The following DNM3 variants were observed in gnomAD, a reference collection of about 807,000 sequenced individuals.
The protein encoded by DNM3 is dynamin 3.
Under a neutral mutation model 101.6 loss-of-function variants are expected in DNM3, and 47 were observed. The observed-to-expected ratio is 0.46, with a 90% CI of 0.37 to 0.59. DNM3 has a LOEUF of 0.59. Among genes scored for constraint, DNM3 ranks in the 20% least tolerant of loss-of-function variants. The probability of loss-of-function intolerance (pLI) is 0.00; values close to 1 mark genes in which losing one functional copy is unlikely to be tolerated. For missense variants in DNM3, 849 were observed against 1,085.7 expected (o/e 0.78, Z 3.06); for synonymous variants, 385 against 387.9 (o/e 0.99, Z 0.09).
At chr1:171,951,816 A>T (rs1387781032) in intron 2 of DNM3, among the ~76,000 whole-genome samples, 2 of 152,246 alleles carry the variant, frequency 1.3e-5, no homozygotes, top group Non-Finnish European at 2.9e-5. Flanking sequence ...AGCCTCAAGA[A>T]GTCCTGAGAA....
At chr1:172,126,794 C>T (rs1457387510) in intron 13 of DNM3, among the ~76,000 whole-genome samples, 1 of 151,928 alleles carries the variant, frequency 6.6e-6, no homozygotes, top group African/African-American at 2.4e-5. Flanking sequence ...CACCTCCTGA[C>T]CTTATTTCTC....
rs1044398723 is a variant in DNM3 at position 171,870,418 on chromosome 1, G to A, written c.161+28601G>A. On this transcript the variant is annotated intron_variant, in intron 1 of 20. Transcript: ENST00000627582. Reference sequence around the variant, plus strand: ...AGTTAAAAACCTCTGCAGCCTGGGCGACAGAGTAAGACTCCCTCCATCTCA... The same window carrying A: ...AGTTAAAAACCTCTGCAGCCTGGGCAACAGAGTAAGACTCCCTCCATCTCA... Among the ~76,000 whole-genome samples the A allele has an allele frequency of 3.3e-5, 5 of 151,932 alleles. No individual in the cohort carries two copies. The East Asian group carries it at 7.7e-4, about 24-fold the overall frequency.
At chr1:172,002,806 G>A (rs1218484523) in intron 4 of DNM3, among the ~76,000 whole-genome samples, 1 of 152,002 alleles carries the variant, frequency 6.6e-6, no homozygotes, top group Non-Finnish European at 1.5e-5. Context: ...TTTTTAAAAA[G>A]TAAGAACAAA....
intron 15 of DNM3, chr1:172,289,864 T>C (rs1425989788): frequency 1.0e-6 from 1 of 978,486 alleles, no homozygotes; most frequent in East Asian, 1.1e-4. Context: ...ATTTAACTTT[T>C]ATCATAATTT....
intron 1 of DNM3, among the ~76,000 whole-genome samples, chr1:171,871,102 A>G (rs992154210): frequency 6.6e-6 from 1 of 152,184 alleles, no homozygotes; most frequent in Non-Finnish European, 1.5e-5. Context: ...TTTGCAATGG[A>G]CATCGTCAGA....
chr1:172,307,364 T>C (rs908130256), intron 15 of DNM3, among the ~76,000 whole-genome samples: 10 of 152,048 alleles, frequency 6.6e-5, no homozygotes, highest in Non-Finnish European at 1.5e-4. Context: ...ATCAATAAAG[T>C]CAGGAAACAA....
intron 1 of DNM3, among the ~76,000 whole-genome samples, chr1:171,842,477 G>A (rs2031413784): frequency 6.6e-6 from 1 of 152,226 alleles, no homozygotes; most frequent in African/African-American, 2.4e-5. Flanking sequence ...AGAATAAAAG[G>A]TGGTGTGTTT....
intron 4 of DNM3, among the ~76,000 whole-genome samples, chr1:171,990,341 C>T (rs532398561): frequency 6.6e-6 from 1 of 152,230 alleles, no homozygotes; most frequent in African/African-American, 2.4e-5. Context: ...ATTCATTGAC[C>T]AGTGGGTTTT....
chr1:172,401,785 A>G (rs2070506240), intron 20 of DNM3, among the ~76,000 whole-genome samples: 1 of 152,204 alleles, frequency 6.6e-6, no homozygotes, highest in Non-Finnish European at 1.5e-5. Flanking sequence ...AGTATTTCTT[A>G]CAGTAAATTA....
At chr1:171,975,568 A>T (rs2125565453) in intron 2 of DNM3, among the ~76,000 whole-genome samples, 1 of 152,364 alleles carries the variant, frequency 6.6e-6, no homozygotes, top group South Asian at 2.1e-4. Flanking sequence ...CGTTTATCAG[A>T]GCAAGCATCA....
chr1:172,313,229 G>C (rs955289799), intron 16 of DNM3, among the ~76,000 whole-genome samples: 1 of 152,160 alleles, frequency 6.6e-6, no homozygotes, highest in Non-Finnish European at 1.5e-5. Context: ...AAGTAAAGAT[G>C]TCTCTAATGT....
At chr1:171,988,369 G>C (rs1432245884) in intron 3 of DNM3, among the ~76,000 whole-genome samples, 1 of 151,964 alleles carries the variant, frequency 6.6e-6, no homozygotes, top group Non-Finnish European at 1.5e-5. Flanking sequence ...AATGACATAA[G>C]CTCAATTATG....
intron 17 of DNM3, among the ~76,000 whole-genome samples, chr1:172,323,570 C>G (rs2148915264): frequency 6.6e-6 from 1 of 152,178 alleles, no homozygotes; most frequent in South Asian, 2.1e-4. Context: ...GGTCTAATGG[C>G]TAGTTCAGAG....
chr1:172,230,882 T>C (rs1432858434), intron 14 of DNM3, among the ~76,000 whole-genome samples: 1 of 152,078 alleles, frequency 6.6e-6, no homozygotes, highest in African/African-American at 2.4e-5. Flanking sequence ...TTCCTGGTTT[T>C]TCCCATTCTA....
At chr1:172,328,798 T>C (rs1026580927) in intron 17 of DNM3, among the ~76,000 whole-genome samples, 4 of 152,134 alleles carry the variant, frequency 2.6e-5, no homozygotes, top group African/African-American at 9.7e-5. Flanking sequence ...AAATAAAAGT[T>C]AAACAAAAAG....
intron 4 of DNM3, among the ~76,000 whole-genome samples, chr1:172,013,200 T>C (rs1358248024): frequency 7.2e-5 from 11 of 152,054 alleles, no homozygotes; most frequent in African/African-American, 2.7e-4. Flanking sequence ...TTTGTGGCTA[T>C]GTTTCGTCCC....
chr1:172,122,272 C>A (rs1044967017), intron 13 of DNM3, among the ~76,000 whole-genome samples: 1 of 152,058 alleles, frequency 6.6e-6, no homozygotes, highest in Non-Finnish European at 1.5e-5. Flanking sequence ...CTTACAATAA[C>A]AAATATAACT....
chr1:172,363,942 T>G (rs1035527722), intron 17 of DNM3, among the ~76,000 whole-genome samples: 1 of 151,960 alleles, frequency 6.6e-6, no homozygotes. Context: ...CTCACTTTCT[T>G]TCCATAGCCT....
chr1:172,131,179 T>C lies in DNM3; in HGVS notation c.1550T>C (p.Ile517Thr). ...HKKTTVGNQV[I>T]RKGWLTISNI... ...CTGATTTCTGCTTTTTCGTAGGTGA[T>C]TCGCAAGGGGTGGCTCACCATCAGC... Residue 517 changes from isoleucine to threonine, a missense_variant, in exon 14 of 21, where the codon ATT becomes ACT. Physicochemically the swap from Ile to Thr is moderately conservative, Grantham distance 89 (BLOSUM62 -1). Coordinates refer to ENST00000627582, the MANE Select transcript of DNM3 (RefSeq NM_015569.5). The C allele has an allele frequency of 1.2e-6, 2 of 1,613,232 alleles. No homozygotes were observed. Among genetic ancestry groups the C allele is most frequent in the South Asian group, 1.1e-5 (1 of 91,024 alleles).
Sources: allele counts gnomAD v4.1 joint callset (sites outside exome capture counted in the v4.1 genomes callset), GRCh38; gene constraint gnomAD v4.1.1; transcripts MANE v1.5; gene names NCBI Gene and HGNC (gene_info 2026-07-23, HGNC 2026-07-21).